MARCHF10: variants seen among roughly 807,000 people sequenced by gnomAD.
The protein encoded by MARCHF10 is membrane associated ring-CH-type finger 10.
Under a neutral mutation model 76.2 loss-of-function variants are expected in MARCHF10, and 64 were observed. That is an observed-to-expected ratio of 0.84 (90% confidence interval 0.69 to 1.03). MARCHF10 has a LOEUF of 1.03. MARCHF10 is among the 50% of genes least tolerant of loss of function. The probability of loss-of-function intolerance (pLI) is 0.00; values close to 1 mark genes in which losing one functional copy is unlikely to be tolerated. For synonymous variants in MARCHF10, 340 were observed against 357.5 expected (o/e 0.95, Z 0.55); for missense variants, 875 against 958.0 (o/e 0.91, Z 1.14).
rs2251393 is a variant in MARCHF10, at chr17:62,701,571, G to C, written c.*132C>G. ...GCCAGACCCCAAAAGAGAGTGGCACGAGGTGAAAATCTAACTGTGAACGCT... is the reference window on the plus strand; with the variant it reads ...GCCAGACCCCAAAAGAGAGTGGCACCAGGTGAAAATCTAACTGTGAACGCT... On this transcript the variant is annotated 3_prime_UTR_variant, in exon 11 of 11. Coordinates refer to ENST00000311269, the MANE Select transcript of MARCHF10 (RefSeq NM_152598.4). The C allele has an allele frequency of 2.7e-5, 43 of 1,571,978 alleles. 1 individual carries two copies. In the East Asian group the frequency reaches 4.5e-4, roughly 17 times the overall value.
chr17:62,710,550 CTTTTTTTTTTT>C (rs552647502), intron 9 of MARCHF10, among the ~76,000 whole-genome samples: 1 of 88,620 alleles, frequency 1.1e-5, no homozygotes, highest in East Asian at 3.1e-4. Flanking sequence ...TTGAACCCAG[CTTTTTTTTTTT>C]TTTTTTTTTT....
intron 4 of MARCHF10, among the ~76,000 whole-genome samples, chr17:62,754,742 T>C (rs929714171): frequency 1.3e-5 from 2 of 152,116 alleles, no homozygotes; most frequent in African/African-American, 4.8e-5. Context: ...AATATGATTC[T>C]CTATTAAAAA....
intron 4 of MARCHF10, among the ~76,000 whole-genome samples, chr17:62,755,506 G>A (rs567877673): frequency 1.3e-5 from 2 of 152,270 alleles, no homozygotes; most frequent in Admixed American, 1.3e-4. Context: ...CACTCGCTGG[G>A]CCTGCTAGCT....
At chr17:62,775,073 AAAAC>A (rs1169253268) in intron 3 of MARCHF10, among the ~76,000 whole-genome samples, 60 of 151,684 alleles carry the variant, frequency 4.0e-4, no homozygotes, top group African/African-American at 1.4e-3. Context: ...AGAAAAAACA[AAAAC>A]AAACAAAAAA....
At chr17:62,805,180 A>AT (rs762711009) in intron 1 of MARCHF10, 1 of 152,182 alleles carries the variant, frequency 6.6e-6, no homozygotes, top group Non-Finnish European at 1.5e-5. Context: ...CAAAACATAC[A>AT]TTTTGTCTCT....
Position 62,736,452 on chromosome 17 carries a change from A to C in MARCHF10, c.1416T>G (p.Pro472=). The C allele has an allele frequency of 6.2e-7, 1 of 1,614,182 alleles. No homozygotes were observed. Among genetic ancestry groups the C allele is most frequent in the Non-Finnish European group, 8.5e-7 (1 of 1,180,024 alleles). ...GAGCAGAATGCATGAATGATGCAGG[A>C]GGGTTATAGGATGAATTCACTGATG... is the stretch of plus-strand genomic sequence containing the variant. ...PRSSVNSSYN[P]PASFMHSALR... The change falls in exon 6 of 11, where the codon CCT becomes CCG. Residue 472 remains proline (P), a synonymous_variant. Transcript: ENST00000311269.
chr17:62,704,558 T>C (rs985779810), intron 10 of MARCHF10, among the ~76,000 whole-genome samples: 1 of 152,172 alleles, frequency 6.6e-6, no homozygotes. Flanking sequence ...CCCGAGCAGC[T>C]TTGAGCTGGT....
intron 1 of MARCHF10, among the ~76,000 whole-genome samples, chr17:62,802,391 TG>T (rs2093089244): frequency 6.6e-6 from 1 of 152,042 alleles, no homozygotes; most frequent in African/African-American, 2.4e-5. Flanking sequence ...GGCTAATTTT[TG>T]TATTTTTAGT....
In MARCHF10 at chr17:62,738,823, C is replaced by T. The variant is rs1480636553; in HGVS notation, c.536-1491G>A. 6.6e-6 allele frequency among the ~76,000 whole-genome samples: 1 copy of T among 152,228 alleles called. No individual in the cohort carries two copies. Among genetic ancestry groups the T allele is most frequent in the Non-Finnish European group, 1.5e-5 (1 of 68,048 alleles). ...AAATCAGTTAAGCTCTCCTCTCAGG[C>T]CCCTCCTGGGTTTTATAAACCCCAG... is the stretch of plus-strand genomic sequence containing the variant. On this transcript the variant is annotated intron_variant, in intron 5 of 10. Coordinates refer to ENST00000311269, the MANE Select transcript of MARCHF10 (RefSeq NM_152598.4). This position sits in a 1 kb window ranked among gnomAD's most constrained non-coding sequence, Gnocchi z 4.0.
At chr17:62,784,336 A>G (rs1241405906) in intron 3 of MARCHF10, among the ~76,000 whole-genome samples, 1 of 152,216 alleles carries the variant, frequency 6.6e-6, no homozygotes, top group Non-Finnish European at 1.5e-5. Flanking sequence ...CCTCATGCTA[A>G]AAACTCTCAG....
intron 5 of MARCHF10, among the ~76,000 whole-genome samples, chr17:62,742,874 T>C (rs2091565804): frequency 6.6e-6 from 1 of 151,922 alleles, no homozygotes; most frequent in Admixed American, 6.6e-5. Flanking sequence ...ACTCAAGTGA[T>C]CTTCCACCTC....
chr17:62,740,299 G>A (rs2091460398), intron 5 of MARCHF10, among the ~76,000 whole-genome samples: 1 of 152,160 alleles, frequency 6.6e-6, no homozygotes, highest in Non-Finnish European at 1.5e-5. Flanking sequence ...GGCTCCAGCT[G>A]TGAGTGAAGT....
rs2091248004 is a variant in MARCHF10 at position 62,736,068 on chromosome 17, T to C, written c.1800A>G (p.Pro600=). The stretch of plus-strand genomic sequence containing the variant: ...AATGAGACACTGCAAAGAAAGTAAA[T>C]GGTGTATTTTCTTGCAGAGACCCAG... ...HVSGSLQENT[P]FTFFAVSHFP... is the part of the protein sequence containing the mutation. The change falls in exon 6 of 11, where the codon CCA becomes CCG. Residue 600 remains proline, a synonymous_variant. Coordinates refer to ENST00000311269, the MANE Select transcript of MARCHF10 (RefSeq NM_152598.4). The C allele has an allele frequency of 1.2e-6, 2 of 1,613,974 alleles. No homozygotes were observed. Among genetic ancestry groups the C allele is most frequent in the Admixed American group, 1.7e-5 (1 of 59,998 alleles).
chr17:62,806,558 GGAGA>G (rs1438362823), intron 1 of MARCHF10: 1 of 152,254 alleles, frequency 6.6e-6, no homozygotes, highest in Non-Finnish European at 1.5e-5. Flanking sequence ...TATTAAGTAG[GGAGA>G]GAGAAAGGAG....
Position 62,788,505 on chromosome 17 carries a change from A to T in MARCHF10, c.185T>A (p.Phe62Tyr), listed in dbSNP as rs1401954696. 1 of 1,614,098 alleles carries T rather than the reference A, an allele frequency of 6.2e-7. No homozygotes were observed. Among genetic ancestry groups the T allele is most frequent in the African/African-American group, 1.3e-5 (1 of 75,026 alleles). The change falls in exon 3 of 11, where the codon TTT becomes TAT. Residue 62 changes from phenylalanine (F) to tyrosine (Y), a missense_variant. Physicochemically the swap from Phe to Tyr is conservative, Grantham distance 22. Coordinates refer to ENST00000311269, the MANE Select transcript of MARCHF10 (RefSeq NM_152598.4). ...GQETSFERSRFSSRSSSKQSS... is the reference protein window; with the variant it reads ...GQETSFERSRYSSRSSSKQSS... The stretch of plus-strand genomic sequence containing the variant: ...CTGTTTGGAAGATGACCTGCTAGAA[A>T]ACCGGGATCTCTCAAAACTTGTCTC...
At chr17:62,741,542 C>T (rs961362053) in intron 5 of MARCHF10, among the ~76,000 whole-genome samples, 5 of 152,264 alleles carry the variant, frequency 3.3e-5, no homozygotes, top group Admixed American at 6.5e-5. Flanking sequence ...ACTAGTATTA[C>T]GTATCATTTT....
chr17:62,717,261 G>A (rs974707742), intron 8 of MARCHF10, among the ~76,000 whole-genome samples: 2 of 152,210 alleles, frequency 1.3e-5, no homozygotes, highest in Admixed American at 6.5e-5. Context: ...GCCCTCAGCC[G>A]CCTCCAGACA....
chr17:62,706,282 G>C (rs2089584446), intron 9 of MARCHF10: 1 of 152,360 alleles, frequency 6.6e-6, no homozygotes, highest in African/African-American at 2.4e-5. Context: ...GGGAGGGCAG[G>C]GGAAGGATGG....
chr17:62,760,973 C>G (rs1021328460), intron 3 of MARCHF10, among the ~76,000 whole-genome samples: 3 of 152,180 alleles, frequency 2.0e-5, no homozygotes, highest in Admixed American at 6.5e-5. Context: ...TGGTACCTCC[C>G]CAACTGTTGC....
Sources: allele counts gnomAD v4.1 joint callset (sites outside exome capture counted in the v4.1 genomes callset), GRCh38; gene constraint gnomAD v4.1.1; non-coding constraint Gnocchi (gnomAD v3.1); transcripts MANE v1.5; gene names NCBI Gene and HGNC (gene_info 2026-07-23, HGNC 2026-07-21).